Variants in DOT1L observed in about 807,000 individuals in gnomAD.
The protein encoded by DOT1L is DOT1 like histone lysine methyltransferase.
A neutral mutation model predicts 153.3 loss-of-function variants in DOT1L; 33 were observed. That is an observed-to-expected ratio of 0.22 (90% confidence interval 0.16 to 0.29). DOT1L has a LOEUF of 0.29. DOT1L is among the 10% of genes least tolerant of loss of function. The pLI is 1.00. For missense variants in DOT1L, 1,847 were observed against 2,119.9 expected (o/e 0.87, Z 2.53); for synonymous variants, 1,135 against 965.1 (o/e 1.18, Z -3.26).
chr19:2,171,406 C>G (rs1402680793), intron 1 of DOT1L, among the ~76,000 whole-genome samples: 2 of 152,188 alleles, frequency 1.3e-5, no homozygotes, highest in Admixed American at 1.3e-4. Context: ...CTGGAAGGTT[C>G]AAACAGCAGT....
chr19:2,175,032 T>C (rs1243857418), intron 1 of DOT1L, among the ~76,000 whole-genome samples: 1 of 148,602 alleles, frequency 6.7e-6, no homozygotes, highest in African/African-American at 2.5e-5. Context: ...GGAGTCTTGC[T>C]CTGTTGCCCA....
chr19:2,215,897 GA>G (rs112326112), intron 19 of DOT1L: 32 of 185,204 alleles, frequency 1.7e-4, no homozygotes, highest in African/African-American at 6.8e-4. Context: ...AAACTAAAAG[GA>G]AAAAGCCCCT....
At chr19:2,214,662 C>T (rs780169433) in intron 19 of DOT1L, 66 bp downstream of exon 19, 83 of 1,580,610 alleles carry the variant, frequency 5.3e-5, no homozygotes, top group Non-Finnish European at 6.4e-5. Context: ...CCTGTGACGT[C>T]GTTGAGCCTA....
chr19:2,194,872 C>T (rs2022951779), intron 7 of DOT1L, among the ~76,000 whole-genome samples: 1 of 152,180 alleles, frequency 6.6e-6, no homozygotes. Flanking sequence ...GAGCGGAGGC[C>T]TGTGGGACAG....
rs75613123 is a variant in DOT1L, at chr19:2,223,276, C to T, written c.3391-5C>T. 0.047 allele frequency: 76,119 copies of T among 1,613,218 alleles called. 2,132 individuals are homozygous for T. Among genetic ancestry groups the T allele is most frequent in the East Asian group, 0.11 (4,957 of 44,844 alleles). ...TGTGCATCCATTGTGTCTGTCTGCC[C>T]TCAGGTCAGTAACATCAACCAGCCC... On this transcript the variant is annotated splice_polypyrimidine_tract_variant and splice_region_variant and intron_variant, in intron 24 of 27. Transcript: ENST00000398665.
At chr19:2,199,851 G>C (rs751321135) in intron 7 of DOT1L, 33 bp from the exon 8 acceptor site, 1 of 1,608,984 alleles carries the variant, frequency 6.2e-7, no homozygotes, top group African/African-American at 1.3e-5. Context: ...AGGGAGGCCG[G>C]GGGTCCGCGC....
At chr19:2,167,415 C>G (rs1365017624) in intron 1 of DOT1L, among the ~76,000 whole-genome samples, 1 of 152,220 alleles carries the variant, frequency 6.6e-6, no homozygotes, top group African/African-American at 2.4e-5. Context: ...TGCCTGCTGC[C>G]CTGCCTGGCC....
intron 26 of DOT1L, among the ~76,000 whole-genome samples, chr19:2,225,686 C>T (rs543525354): frequency 7.9e-5 from 12 of 152,170 alleles, no homozygotes; most frequent in African/African-American, 2.9e-4. Context: ...AGCCCAGGGC[C>T]TCCGCGCACA....
rs2144929209 is a variant in DOT1L at position 2,226,219 on chromosome 19, G to A, written c.3698G>A (p.Gly1233Asp). 1 of 1,530,280 alleles carries A rather than the reference G, an allele frequency of 6.5e-7. No individual in the cohort carries two copies. Among genetic ancestry groups the A allele is most frequent in the Non-Finnish European group, 8.8e-7 (1 of 1,136,632 alleles). 94.8% of individuals were successfully genotyped at this position (1,530,280 alleles called of 1,614,324 possible). A position where few individuals can be genotyped will look rare whatever the true frequency, so the allele number is the denominator to read the frequency against. ...GLAGRKPAPA[G>D]EPVNSSKWKS... ...GCGGGAAGGAAGCCCGCGCCCGCCG[G>A]CGAGCCAGTCAATAGCAGCAAGTGG... Residue 1233 changes from glycine (G) to aspartate (D), a missense_variant, in exon 27 of 28, where the codon GGC becomes GAC. Coordinates refer to ENST00000398665, the MANE Select transcript of DOT1L (RefSeq NM_032482.3).
At chr19:2,225,728 C>T (rs2024301864) in intron 26 of DOT1L, among the ~76,000 whole-genome samples, 1 of 152,196 alleles carries the variant, frequency 6.6e-6, no homozygotes, top group Admixed American at 6.5e-5. Context: ...GGCTGACCTG[C>T]GGGGATCGTC....
In DOT1L at chr19:2,193,524, G is replaced by A. The variant is rs1330532750; in HGVS notation, c.494-165G>A. On this transcript the variant is annotated intron_variant, in intron 5 of 27. Transcript: ENST00000398665. This position sits in a 1 kb window ranked among gnomAD's most constrained non-coding sequence, Gnocchi z 5.9. ...GCTCTGTCAGGGGCCTGGTCTCTGG[G>A]AAGGATCCTGAGTGACCTTGGAGCA... Among the ~76,000 whole-genome samples the A allele has an allele frequency of 6.6e-6, 1 of 152,200 alleles. No homozygotes were observed. Among genetic ancestry groups the A allele is most frequent in the Non-Finnish European group, 1.5e-5 (1 of 68,030 alleles).
In DOT1L at chr19:2,212,134, C is replaced by A. The variant is rs558975016; in HGVS notation, c.1557+292C>A. 19 of 333,548 alleles carry A rather than the reference C, an allele frequency of 5.7e-5. 1 individual carries two copies. The South Asian group carries it at 7.6e-4, about 13-fold the overall frequency. The allele number at this position is 333,548 out of a possible 1,614,324, so 20.7% of individuals were successfully genotyped here. A position where few individuals can be genotyped will look rare whatever the true frequency, so the allele number is the denominator to read the frequency against. The stretch of plus-strand genomic sequence containing the variant: ...AACCTTCCCCCTAGTGCACAGGTCC[C>A]TCCCCCGGTTCCTCAAAGGCTGAGT... On this transcript the variant is annotated intron_variant, in intron 16 of 27. Transcript: ENST00000398665.
intron 1 of DOT1L, among the ~76,000 whole-genome samples, chr19:2,166,002 C>T (rs951808738): frequency 5.3e-5 from 8 of 152,086 alleles, no homozygotes; most frequent in African/African-American, 1.9e-4. Flanking sequence ...GATCTCCTGA[C>T]TTCGTGATCC....
In DOT1L at chr19:2,175,896, C is replaced by T. The variant is rs912745157; in HGVS notation, c.82-4817C>T. Among the ~76,000 whole-genome samples the T allele has an allele frequency of 7.0e-4, 106 of 152,112 alleles. 3 individuals are homozygous for T. The highest frequency in any genetic ancestry group is 2.9e-4 in the Non-Finnish European group (20 of 68,026). On this transcript the variant is annotated intron_variant, in intron 1 of 27. Coordinates refer to ENST00000398665, the MANE Select transcript of DOT1L (RefSeq NM_032482.3). Reference sequence around the variant, plus strand: ...TCAAAAAAAGAAAGGAACTCCCACACGAGCTGGAAGCCAGCACTGGGCTCT... The same window carrying T: ...TCAAAAAAAGAAAGGAACTCCCACATGAGCTGGAAGCCAGCACTGGGCTCT...
rs2144890531 is a variant in DOT1L at position 2,220,074 on chromosome 19, G to A, written c.2692-34G>A. The A allele has an allele frequency of 6.4e-7, 1 of 1,567,338 alleles. No homozygotes were observed. The highest frequency in any genetic ancestry group is 8.7e-7 in the Non-Finnish European group (1 of 1,150,646). Reference sequence around the variant, plus strand: ...GGGTTCTGGGTCTCCTGGGGCACCTGCTGCCCCTGACACACAGGGTTTTCT... The same window carrying A: ...GGGTTCTGGGTCTCCTGGGGCACCTACTGCCCCTGACACACAGGGTTTTCT... On this transcript the variant is annotated intron_variant, in intron 22 of 27. Coordinates refer to ENST00000398665, the MANE Select transcript of DOT1L (RefSeq NM_032482.3). This position sits in a 1 kb window ranked among gnomAD's most constrained non-coding sequence, Gnocchi z 4.5.
intron 22 of DOT1L, 129 bp downstream of exon 22, chr19:2,218,047 G>T: frequency 3.7e-6 from 5 of 1,366,770 alleles, no homozygotes; most frequent in Non-Finnish European, 4.9e-6. Context: ...TGCAGTCAAG[G>T]TGGGCTGTCC....
At position 2,223,415 on chromosome 19, in the gene DOT1L, CAA is replaced by C; in HGVS notation, c.3526_3527del (p.Asn1176TrpfsTer16). ...AGAAGGAGCGGCCTCTGAGCCAGAC[CAA>C]TGGGGCACACTACTCCCCACTCACC... Reference protein sequence around the residue: ...LKKERPLSQTNGAHYSPLTSD... With the variant: ...LKKERPLSQTXGAHYSPLTSD... On this transcript the variant is annotated frameshift_variant, in exon 25 of 28. Coordinates refer to ENST00000398665, the MANE Select transcript of DOT1L (RefSeq NM_032482.3). LOFTEE classifies it high-confidence loss of function. 1 of 1,613,704 alleles carries C rather than the reference CAA, an allele frequency of 6.2e-7. No individual in the cohort carries two copies. Among genetic ancestry groups the C allele is most frequent in the Non-Finnish European group, 8.5e-7 (1 of 1,179,988 alleles).
At chr19:2,219,353 C>T (rs559984568) in intron 22 of DOT1L, among the ~76,000 whole-genome samples, 10 of 152,290 alleles carry the variant, frequency 6.6e-5, no homozygotes, top group South Asian at 4.1e-4. Context: ...AGGACATTTT[C>T]TTCACCCGGG....
chr19:2,219,854 G>A (rs981075563), intron 22 of DOT1L, among the ~76,000 whole-genome samples: 11 of 152,172 alleles, frequency 7.2e-5, no homozygotes, highest in African/African-American at 2.7e-4. Flanking sequence ...GCTGGACCCC[G>A]GGACCCCCGC....
Sources: allele counts gnomAD v4.1 joint callset (sites outside exome capture counted in the v4.1 genomes callset), GRCh38; gene constraint gnomAD v4.1.1; non-coding constraint Gnocchi (gnomAD v3.1); transcripts MANE v1.5; gene names NCBI Gene and HGNC (gene_info 2026-07-23, HGNC 2026-07-21).